The following STRBP variants were observed in gnomAD, a reference collection of about 807,000 sequenced individuals.
STRBP encodes spermatid perinuclear RNA-binding protein.
STRBP carries 13 observed loss-of-function variants against 80.1 expected under a neutral mutation model. The observed-to-expected ratio is 0.16, with a 90% CI of 0.11 to 0.26. STRBP has a LOEUF of 0.26. Among genes scored for constraint, STRBP ranks in the 10% least tolerant of loss-of-function variants. STRBP has a pLI of 1.00. For missense variants in STRBP, 485 were observed against 815.2 expected (o/e 0.59, Z 4.93); for synonymous variants, 284 against 291.2 (o/e 0.98, Z 0.25).
rs1046793449 is a variant in STRBP at position 123,124,080 on chromosome 9, A to G, written c.*1517T>C. 1.0e-6 allele frequency: 1 copy of G among 985,344 alleles called. No individual in the cohort carries two copies. The highest frequency in any genetic ancestry group is 1.7e-5 in the African/African-American group (1 of 57,248). 61.0% of individuals were successfully genotyped at this position (985,344 alleles called of 1,614,324 possible). A position where few individuals can be genotyped will look rare whatever the true frequency, so the allele number is the denominator to read the frequency against. On this transcript the variant is annotated 3_prime_UTR_variant, in exon 19 of 19. Transcript: ENST00000348403. The stretch of plus-strand genomic sequence containing the variant: ...AATATATATCTGAGAAGTGACACTA[A>G]CATTTGTTGTACATTGCCCATTTCA...
chr9:123,143,116 T>C (rs1480108832), intron 13 of STRBP, among the ~76,000 whole-genome samples: 1 of 152,226 alleles, frequency 6.6e-6, no homozygotes, highest in East Asian at 1.9e-4. Flanking sequence ...CCATGGCTTC[T>C]GTATAATAGA....
chr9:123,210,126 T>A (rs192965566), intron 2 of STRBP, among the ~76,000 whole-genome samples: 1 of 152,372 alleles, frequency 6.6e-6, no homozygotes, highest in East Asian at 1.9e-4. Flanking sequence ...TTTCTTAAAC[T>A]ATCTTCTTCA....
chr9:123,190,285 GAA>G (rs1231552691), intron 2 of STRBP, among the ~76,000 whole-genome samples: 9 of 81,742 alleles, frequency 1.1e-4, no homozygotes, highest in Admixed American at 4.0e-4. Flanking sequence ...ATCTCAGAAA[GAA>G]AAAAAAAAAA....
At chr9:123,225,683 C>T (rs1436113293) in intron 2 of STRBP, among the ~76,000 whole-genome samples, 2 of 152,236 alleles carry the variant, frequency 1.3e-5, no homozygotes, top group Admixed American at 6.5e-5. Context: ...ATGGTATTGG[C>T]GATTCAACCT....
intron 1 of STRBP, among the ~76,000 whole-genome samples, chr9:123,262,178 A>C (rs2041172820): frequency 6.6e-6 from 1 of 152,206 alleles, no homozygotes; most frequent in South Asian, 2.1e-4. Flanking sequence ...CATACTAAGA[A>C]ATCTTAGGTC....
intron 12 of STRBP, 75 bp from the exon 13 acceptor site, chr9:123,147,129 G>GT: frequency 7.4e-7 from 1 of 1,347,108 alleles, no homozygotes; most frequent in Non-Finnish European, 1.0e-6. Context: ...GGGGTTCCTA[G>GT]TAACTACTGT....
chr9:123,134,567 T>A (rs1321268207), intron 16 of STRBP, among the ~76,000 whole-genome samples: 1 of 152,208 alleles, frequency 6.6e-6, no homozygotes, highest in Non-Finnish European at 1.5e-5. Context: ...TTTTATAGCT[T>A]ATAGTATGGA....
chr9:123,125,391 G>A lies in STRBP; in HGVS notation c.*206C>T, dbSNP rs1465224961. On this transcript the variant is annotated 3_prime_UTR_variant, in exon 19 of 19. Transcript: ENST00000348403. ...AGTTATTTTCCAGAAATGAGGTACC[G>A]TTTTCACAGAACTGGTTTCTTTTTT... 1.2e-5 allele frequency: 15 copies of A among 1,230,716 alleles called. No individual in the cohort carries two copies. The highest frequency in any genetic ancestry group is 3.2e-4 in the Middle Eastern group (1 of 3,144). The allele number at this position is 1,230,716 out of a possible 1,614,324, so 76.2% of individuals were successfully genotyped here. A position where few individuals can be genotyped will look rare whatever the true frequency, so the allele number is the denominator to read the frequency against.
chr9:123,216,134 C>T (rs752507173), intron 2 of STRBP, among the ~76,000 whole-genome samples: 9 of 152,294 alleles, frequency 5.9e-5, no homozygotes, highest in East Asian at 5.8e-4. Context: ...CCACAGGAAG[C>T]GTCCTCTCAT....
intron 5 of STRBP, 70 bp from the exon 6 acceptor site, chr9:123,170,116 G>A (rs974950355): frequency 2.1e-6 from 3 of 1,442,666 alleles, no homozygotes; most frequent in Middle Eastern, 1.8e-4. Flanking sequence ...AAAAAACAAT[G>A]CTTGTACTAA....
chr9:123,165,259 G>A (rs1016655136), intron 6 of STRBP, among the ~76,000 whole-genome samples: 7 of 137,146 alleles, frequency 5.1e-5, no homozygotes, highest in Non-Finnish European at 7.6e-5. Context: ...CCAGCCTGGA[G>A]ACAGAGCGAG....
intron 1 of STRBP, among the ~76,000 whole-genome samples, chr9:123,255,931 T>C (rs1269851375): frequency 6.6e-6 from 1 of 151,870 alleles, no homozygotes; most frequent in Non-Finnish European, 1.5e-5. Flanking sequence ...TCAAGTAGGC[T>C]TGAAACCCTG....
At chr9:123,232,602 T>C (rs1286886393) in intron 2 of STRBP, among the ~76,000 whole-genome samples, 5 of 152,192 alleles carry the variant, frequency 3.3e-5, no homozygotes, top group Non-Finnish European at 4.4e-5. Flanking sequence ...GAATTTGGAA[T>C]GAAATTAACA....
At chr9:123,226,013 T>C (rs1390484280) in intron 2 of STRBP, among the ~76,000 whole-genome samples, 1 of 152,180 alleles carries the variant, frequency 6.6e-6, no homozygotes, top group Admixed American at 6.5e-5. Flanking sequence ...GGCCAAAAAC[T>C]AGAAATAACC....
intron 5 of STRBP, among the ~76,000 whole-genome samples, chr9:123,171,984 T>C (rs1277175587): frequency 6.6e-6 from 1 of 152,190 alleles, no homozygotes; most frequent in East Asian, 1.9e-4. Context: ...AGAGAAACAA[T>C]GTGGAGTTTA....
rs775925319 is a variant in STRBP, at chr9:123,125,162, A to AT, written c.*434dup. ...CCCAAATTAAAGTGCCCTGGGGCAAATACATATCAATCAACTAAGAATCAG... is the reference window on the plus strand; with the variant it reads ...CCCAAATTAAAGTGCCCTGGGGCAAATTACATATCAATCAACTAAGAATCAG... On this transcript the variant is annotated 3_prime_UTR_variant, in exon 19 of 19. Transcript: ENST00000348403. 6.1e-4 allele frequency: 602 copies of AT among 987,156 alleles called. 1 individual carries two copies. Among genetic ancestry groups the AT allele is most frequent in the Non-Finnish European group, 6.9e-4 (575 of 830,896 alleles). The allele number at this position is 987,156 out of a possible 1,614,324, so 61.1% of individuals were successfully genotyped here.
At chr9:123,114,174 CCAGCAGAGCTGTAGG>C (rs916337949) in intron 3 of STRBP, 2 of 167,066 alleles carry the variant, frequency 1.2e-5, no homozygotes, top group African/African-American at 4.8e-5. Context: ...GCCACAGTCC[CCAGCAGAGCTGTAGG>C]AAACAGGTGC....
chr9:123,239,393 G>A (rs1337757044), intron 1 of STRBP, among the ~76,000 whole-genome samples: 3 of 151,916 alleles, frequency 2.0e-5, no homozygotes, highest in Non-Finnish European at 4.4e-5. Context: ...AAAAAAAAAT[G>A]GAATGCCTAT....
Position 123,136,370 on chromosome 9 carries a change from T to C in STRBP, c.1632+11A>G. Reference sequence around the variant, plus strand: ...AAGAAAGATAAGGCTGGCTTGTGTCTGGGTACACACCTCCATTACAAAGCG... The same window carrying C: ...AAGAAAGATAAGGCTGGCTTGTGTCCGGGTACACACCTCCATTACAAAGCG... On this transcript the variant is annotated intron_variant, in intron 15 of 18. Transcript: ENST00000348403. This position sits in a 1 kb window ranked among gnomAD's most constrained non-coding sequence, Gnocchi z 4.2. 6.2e-7 allele frequency: 1 copy of C among 1,613,670 alleles called. No individual in the cohort carries two copies. Among genetic ancestry groups the C allele is most frequent in the Non-Finnish European group, 8.5e-7 (1 of 1,179,856 alleles).
Sources: allele counts gnomAD v4.1 joint callset (sites outside exome capture counted in the v4.1 genomes callset), GRCh38; gene constraint gnomAD v4.1.1; non-coding constraint Gnocchi (gnomAD v3.1); transcripts MANE v1.5; gene names NCBI Gene and HGNC (gene_info 2026-07-23, HGNC 2026-07-21).